ZNF544: variants seen among roughly 807,000 people sequenced by gnomAD.
The protein encoded by ZNF544 is zinc finger protein 544, also known as zinc finger protein AF020591.
Under a neutral mutation model 13.5 loss-of-function variants are expected in ZNF544, and 10 were observed. The observed-to-expected ratio is 0.74, with a 90% CI of 0.46 to 1.25. The LOEUF is 1.25. Ranked by LOEUF, ZNF544 falls within the 50% of genes most tolerant of loss-of-function variation. The pLI is 0.00. For synonymous variants in ZNF544, 323 were observed against 300.5 expected (o/e 1.07, Z -0.77); for missense variants, 896 against 845.6 (o/e 1.06, Z -0.74).
intron 6 of ZNF544, 173 bp from the exon 7 acceptor site, chr19:58,260,678 G>C: frequency 1.6e-6 from 1 of 608,982 alleles, no homozygotes; most frequent in South Asian, 2.3e-5. Context: ...CTTTACCACT[G>C]ATACCATGTT....
At chr19:58,264,470 T>C (rs1312187649), downstream of ZNF544, among the ~76,000 whole-genome samples, 1 of 140,258 alleles carries the variant, frequency 7.1e-6, no homozygotes, top group South Asian at 2.3e-4. Context: ...GGTGGGTGGA[T>C]CACTTGAGGA....
At chr19:58,235,988 A>G (rs1332146351) in intron 3 of ZNF544, among the ~76,000 whole-genome samples, 1 of 151,662 alleles carries the variant, frequency 6.6e-6, no homozygotes, top group Admixed American at 6.6e-5. Context: ...TGAACCCAGG[A>G]GGTGGAGGTT....
intron 3 of ZNF544, chr19:58,242,294 C>A (rs1041132987): frequency 3.0e-6 from 3 of 984,810 alleles, no homozygotes; most frequent in African/African-American, 3.5e-5. Context: ...GTTTCCCAAG[C>A]CTTTGAAGGG....
At chr19:58,230,307 G>A (rs2040937358) in intron 2 of ZNF544, 87 bp from the exon 3 acceptor site, 1 of 152,184 alleles carries the variant, frequency 6.6e-6, no homozygotes, top group Non-Finnish European at 1.5e-5. Flanking sequence ...TGCCCCTTTT[G>A]CAGGTTAACA....
Position 58,246,395 on chromosome 19 carries a change from C to G in ZNF544, c.128C>G (p.Thr43Arg), listed in dbSNP as rs1424130513. The change falls in exon 5 of 7, where the codon ACA becomes AGA. Residue 43 changes from threonine to arginine, a missense_variant. By Grantham distance (71) the Thr-to-Arg change is moderately conservative. Coordinates refer to ENST00000687789, the MANE Select transcript of ZNF544 (RefSeq NM_014480.4). ...CAGAGGACACTGTACCGAGAGGTGA[C>G]ACTGGAGACCTGGGAGCATATTGTC... ...LAQRTLYREV[T>R]LETWEHIVSL... 2 of 1,614,032 alleles carry G rather than the reference C, an allele frequency of 1.2e-6. No homozygotes were observed. Among genetic ancestry groups the G allele is most frequent in the Admixed American group, 3.3e-5 (2 of 60,008 alleles).
chr19:58,243,931 G>A (rs1320067071), intron 3 of ZNF544, 34 bp from the exon 4 acceptor site: 17 of 1,503,374 alleles, frequency 1.1e-5, no homozygotes, highest in South Asian at 5.2e-5. Flanking sequence ...TGCAGGAGCC[G>A]AGGGGCTGAA....
intron 6 of ZNF544, among the ~76,000 whole-genome samples, chr19:58,248,851 C>A (rs537259434): frequency 6.6e-6 from 1 of 152,324 alleles, no homozygotes; most frequent in African/African-American, 2.4e-5. Context: ...GCACTGGTTA[C>A]AGAATTTTCT....
In ZNF544 at chr19:58,261,307, T is replaced by C. The variant is rs201157713; in HGVS notation, c.701T>C (p.Val234Ala). 5.0e-6 allele frequency: 8 copies of C among 1,614,148 alleles called. No individual in the cohort carries two copies. The East Asian group carries it at 6.7e-5, about 13-fold the overall frequency. Residue 234 changes from valine to alanine, a missense_variant, in exon 7 of 7, where the codon GTT (valine) becomes GCT (alanine). By Grantham distance (64) the Val-to-Ala change is moderately conservative (BLOSUM62 0). Transcript: ENST00000687789. ...QSIYLSKLGN[V>A]ETGKKNPYEY... ...ATTTACTTGAGTAAACTTGGAAACG[T>C]TGAAACAGGAAAGAAAAACCCTTAT...
rs877797 is a variant in ZNF544 at position 58,242,283 on chromosome 19, G to C, written c.-59-1682G>C. Reference sequence around the variant, plus strand: ...TGCAGGAGATGATGCTGGTGGAAGAGGTTTCCCAAGCCTTTGAAGGGAAAG... The same window carrying C: ...TGCAGGAGATGATGCTGGTGGAAGACGTTTCCCAAGCCTTTGAAGGGAAAG... On this transcript the variant is annotated intron_variant, in intron 3 of 6. Coordinates refer to ENST00000687789, the MANE Select transcript of ZNF544 (RefSeq NM_014480.4). The C allele has an allele frequency of 4.1e-6, 4 of 984,862 alleles. No individual in the cohort carries two copies. In the African/African-American group the frequency reaches 7.0e-5, roughly 17 times the overall value. The allele number at this position is 984,862 out of a possible 1,614,324, so 61.0% of individuals were successfully genotyped here. A position where few individuals can be genotyped will look rare whatever the true frequency, so the allele number is the denominator to read the frequency against.
chr19:58,247,786 G>A (rs1436132482), intron 6 of ZNF544, among the ~76,000 whole-genome samples: 2 of 152,100 alleles, frequency 1.3e-5, no homozygotes, highest in Non-Finnish European at 2.9e-5. Flanking sequence ...AGGTTTATAG[G>A]TAAGTTGACG....
intron 6 of ZNF544, 47 bp from the exon 7 acceptor site, chr19:58,260,804 C>A (rs1446570933): frequency 2.0e-6 from 3 of 1,498,756 alleles, no homozygotes; most frequent in Middle Eastern, 4.0e-4. Flanking sequence ...CTCCCCCTCC[C>A]CCTCTGATGC....
rs1203779018 is a variant in ZNF544, at chr19:58,262,011, T to G, written c.1405T>G (p.Cys469Gly). The G allele has an allele frequency of 6.8e-6, 11 of 1,613,350 alleles. No homozygotes were observed. Among genetic ancestry groups the G allele is most frequent in the South Asian group, 2.2e-5 (2 of 91,062 alleles). The change falls in exon 7 of 7, where the codon TGT becomes GGT. Residue 469 changes from cysteine to glycine, a missense_variant. Coordinates refer to ENST00000687789, the MANE Select transcript of ZNF544 (RefSeq NM_014480.4). Reference sequence around the variant, plus strand: ...AGAGAAACCGTATGAGTGCACTCACTGTGGAAAGTCCTTCAGCCAAAGCTA... The same window carrying G: ...AGAGAAACCGTATGAGTGCACTCACGGTGGAAAGTCCTTCAGCCAAAGCTA... ...TGEKPYECTH[C>G]GKSFSQSYEL...
chr19:58,239,856 G>A (rs921855132), intron 3 of ZNF544, among the ~76,000 whole-genome samples: 5 of 149,548 alleles, frequency 3.3e-5, no homozygotes, highest in South Asian at 2.1e-4. Flanking sequence ...CCAAGATTGC[G>A]CCACTACACT....
chr19:58,243,438 G>A (rs113040986), intron 3 of ZNF544, among the ~76,000 whole-genome samples: 61 of 150,164 alleles, frequency 4.1e-4, no homozygotes, highest in African/African-American at 8.2e-4. Context: ...AGGGTTTGGT[G>A]ACTGAGTTCA....
intron 4 of ZNF544, chr19:58,245,855 T>TGATTTCTA: frequency 1.1e-5 from 2 of 190,106 alleles, no homozygotes; most frequent in Admixed American, 1.1e-4. Context: ...GGACCACTGC[T>TGATTTCTA]GTGACTGGCA....
downstream of ZNF544, among the ~76,000 whole-genome samples, chr19:58,264,434 G>C (rs573678124): frequency 1.1e-4 from 17 of 150,494 alleles, no homozygotes; most frequent in Non-Finnish European, 2.2e-4. Flanking sequence ...GCTCATGCCT[G>C]TAATCCCAGC....
Position 58,260,904 on chromosome 19 carries a change from AG to A in ZNF544, c.301del (p.Glu101LysfsTer22), listed in dbSNP as rs754946876. The A allele has an allele frequency of 1.8e-5, 29 of 1,613,090 alleles. No homozygotes were observed. The highest frequency in any genetic ancestry group is 2.5e-5 in the Non-Finnish European group (29 of 1,179,766). ...NRLNSEKDRAREELSHHVEVY... is the reference protein window; with the variant it reads ...NRLNSEKDRAXEELSHHVEVY... Reference sequence around the variant, plus strand: ...GTTGAATTCTGAAAAAGATCGAGCTAGGGAAGAACTATCCCACCACGTGGAA... The same window carrying A: ...GTTGAATTCTGAAAAAGATCGAGCTAGGAAGAACTATCCCACCACGTGGAA... On this transcript the variant is annotated frameshift_variant, in exon 7 of 7. Coordinates refer to ENST00000687789, the MANE Select transcript of ZNF544 (RefSeq NM_014480.4). LOFTEE classifies it low-confidence loss of function (END_TRUNC).
intron 1 of ZNF544, 32 bp from the exon 2 acceptor site, chr19:58,229,436 C>T (rs2040726658): frequency 6.6e-6 from 1 of 152,242 alleles, no homozygotes; most frequent in Admixed American, 6.5e-5. Flanking sequence ...CCTTTTTCCT[C>T]CCTCAACTCA....
At chr19:58,235,734 A>C (rs982132731) in intron 3 of ZNF544, among the ~76,000 whole-genome samples, 1 of 152,224 alleles carries the variant, frequency 6.6e-6, no homozygotes, top group African/African-American at 2.4e-5. Context: ...TCAATTAAAA[A>C]ATAAATTAAC....
Sources: gnomAD v4.1 joint callset for allele counts (sites outside exome capture counted in the v4.1 genomes callset) on GRCh38, gnomAD v4.1.1 for gene constraint, MANE v1.5 for transcripts, NCBI Gene and HGNC (gene_info 2026-07-23, HGNC 2026-07-21) for gene names.